The following LSAMP variants were observed in gnomAD, a reference collection of about 807,000 sequenced individuals.
LSAMP encodes limbic system-associated membrane protein.
LSAMP carries 7 observed loss-of-function variants against 38.6 expected under a neutral mutation model. The ratio of observed to expected loss-of-function variants is 0.18; its 90% CI spans 0.10 to 0.34. The LOEUF (loss-of-function observed/expected upper bound fraction) is 0.34. LSAMP is among the 10% of genes least tolerant of loss of function. LSAMP has a pLI of 1.00. For missense variants in LSAMP, 313 were observed against 420.0 expected, an observed-to-expected ratio of 0.75 and a Z score of 2.23; for synonymous variants, 154 against 166.8, an observed-to-expected ratio of 0.92 and a Z score of 0.59.
chr3:116,055,315 C>T (rs1490218704), intron 2 of LSAMP, among the ~76,000 whole-genome samples: 1 of 152,068 alleles, frequency 6.6e-6, no homozygotes, highest in East Asian at 1.9e-4. Flanking sequence ...TAACATGCCA[C>T]CTGAAGCCAA....
At chr3:115,977,729 CAAAAAA>C (rs56833385) in intron 3 of LSAMP, among the ~76,000 whole-genome samples, 3 of 129,778 alleles carry the variant, frequency 2.3e-5, no homozygotes, top group Admixed American at 7.9e-5. Context: ...AACAGAACAC[CAAAAAA>C]AAAAAAAAAA....
chr3:116,024,720 G>A (rs1940739766), intron 2 of LSAMP, among the ~76,000 whole-genome samples: 2 of 151,806 alleles, frequency 1.3e-5, no homozygotes, highest in South Asian at 4.2e-4. Flanking sequence ...AATAACATCA[G>A]GTGGCAATTC....
intron 1 of LSAMP, among the ~76,000 whole-genome samples, chr3:116,355,705 C>T (rs1311586702): frequency 5.9e-5 from 9 of 152,008 alleles, no homozygotes; most frequent in African/African-American, 2.2e-4. Flanking sequence ...GGGATTATAA[C>T]CAGAATATAC....
intron 1 of LSAMP, among the ~76,000 whole-genome samples, chr3:116,163,877 A>AC (rs1273580830): frequency 4.0e-5 from 6 of 148,840 alleles, no homozygotes; most frequent in African/African-American, 1.6e-4. Flanking sequence ...AAAAAAACAC[A>AC]AAAAAAACGA....
chr3:116,273,506 C>T (rs932713616), intron 1 of LSAMP, among the ~76,000 whole-genome samples: 14 of 150,930 alleles, frequency 9.3e-5, no homozygotes, highest in East Asian at 5.9e-4. Context: ...AATTAAACAA[C>T]GAAACAACTT....
At chr3:116,401,151 C>T (rs1270181917) in intron 1 of LSAMP, among the ~76,000 whole-genome samples, 2 of 152,210 alleles carry the variant, frequency 1.3e-5, no homozygotes, top group Non-Finnish European at 2.9e-5. Flanking sequence ...TCCCTCTGTA[C>T]TTTACCATGT....
intron 2 of LSAMP, among the ~76,000 whole-genome samples, chr3:116,024,439 A>G (rs1940729792): frequency 1.3e-5 from 2 of 152,172 alleles, no homozygotes; most frequent in African/African-American, 4.8e-5. Flanking sequence ...TTAGTCATCT[A>G]TTTCACTATC....
At chr3:116,255,618 T>C (rs2046740046) in intron 1 of LSAMP, among the ~76,000 whole-genome samples, 1 of 152,200 alleles carries the variant, frequency 6.6e-6, no homozygotes, top group African/African-American at 2.4e-5. Flanking sequence ...TTTTTAATAC[T>C]TTGGTAGCAC....
At chr3:116,377,730 T>G (rs1402979311) in intron 1 of LSAMP, among the ~76,000 whole-genome samples, 2 of 152,056 alleles carry the variant, frequency 1.3e-5, no homozygotes, top group African/African-American at 4.8e-5. Context: ...TCTTCATGAC[T>G]TCTAATAATA....
At chr3:116,380,251 T>A (rs1200733087) in intron 1 of LSAMP, among the ~76,000 whole-genome samples, 4 of 152,078 alleles carry the variant, frequency 2.6e-5, no homozygotes, top group South Asian at 2.1e-4. Flanking sequence ...CGTATAGAGA[T>A]ACTGTGAGCT....
rs10631420 is a variant in LSAMP at position 116,195,718 on chromosome 3, GAA to G, written c.156-109164_156-109163del. Reference sequence around the variant, plus strand: ...ATAAAAGTCTTTTAGAAAAAAAAATGAAAAAAAAAAAACATTTAAAGGAAAAG... The same window carrying G: ...ATAAAAGTCTTTTAGAAAAAAAAATGAAAAAAAAAACATTTAAAGGAAAAG... On this transcript the variant is annotated intron_variant, in intron 1 of 6. Coordinates refer to ENST00000490035, the MANE Select transcript of LSAMP (RefSeq NM_002338.5). Among the ~76,000 whole-genome samples the G allele has an allele frequency of 3.5e-3, 492 of 139,680 alleles. 3 individuals carry two copies. Among genetic ancestry groups the G allele is most frequent in the African/African-American group, 0.012 (461 of 37,800 alleles). The allele number at this position is 139,680 out of a possible 152,430, so 91.6% of individuals were successfully genotyped here.
intron 1 of LSAMP, among the ~76,000 whole-genome samples, chr3:116,441,309 C>T (rs2049431645): frequency 6.6e-6 from 1 of 151,888 alleles, no homozygotes; most frequent in Admixed American, 6.6e-5. Context: ...GTGTGAAGTC[C>T]CTGTATTTTA....
chr3:116,091,229 G>C (rs1276774943), intron 1 of LSAMP, among the ~76,000 whole-genome samples: 3 of 152,186 alleles, frequency 2.0e-5, no homozygotes, highest in African/African-American at 7.2e-5. Flanking sequence ...GTTCTGCCCG[G>C]CTCACCGGCG....
chr3:116,063,371 T>C (rs1389185294), intron 2 of LSAMP, among the ~76,000 whole-genome samples: 1 of 152,152 alleles, frequency 6.6e-6, no homozygotes, highest in Non-Finnish European at 1.5e-5. Flanking sequence ...CTTTTGTTAC[T>C]AATGGGAAAA....
Position 115,860,693 on chromosome 3 carries a change from T to C in LSAMP, c.515-8076A>G, listed in dbSNP as rs552949079. ...TCCCTCCATTAGCAATAAAAACCTA[T>C]TGGTACACAAAAATGCCAGCAACCA... On this transcript the variant is annotated intron_variant, in intron 3 of 6. Coordinates refer to ENST00000490035, the MANE Select transcript of LSAMP (RefSeq NM_002338.5). Among the ~76,000 whole-genome samples, 3 of 152,270 alleles carry C rather than the reference T, an allele frequency of 2.0e-5. No individual in the cohort carries two copies. The East Asian group carries it at 5.8e-4, about 29-fold the overall frequency.
chr3:115,880,161 C>G lies in LSAMP; in HGVS notation c.515-27544G>C, dbSNP rs564261272. Among the ~76,000 whole-genome samples, 5 of 152,210 alleles carry G rather than the reference C, an allele frequency of 3.3e-5. No individual in the cohort carries two copies. The South Asian group carries it at 1.0e-3, about 32-fold the overall frequency. On this transcript the variant is annotated intron_variant, in intron 3 of 6. Transcript: ENST00000490035. ...ATTTCTCCGGTGACCATTTCTGTGT[C>G]ACTATTCTCTGGACACACTGATTGA...
At chr3:116,386,288 A>C (rs372947281) in intron 1 of LSAMP, among the ~76,000 whole-genome samples, 2 of 152,214 alleles carry the variant, frequency 1.3e-5, no homozygotes, top group African/African-American at 4.8e-5. Flanking sequence ...TTCTGAATCC[A>C]GTTCTGACCA....
intron 3 of LSAMP, among the ~76,000 whole-genome samples, chr3:115,956,730 A>G (rs1938466740): frequency 1.3e-5 from 2 of 152,348 alleles, no homozygotes; most frequent in Non-Finnish European, 2.9e-5. Context: ...AAAATTTTAT[A>G]ATTCTTTAAC....
chr3:116,435,463 G>C (rs187171647), intron 1 of LSAMP, among the ~76,000 whole-genome samples: 8 of 151,372 alleles, frequency 5.3e-5, no homozygotes, highest in Admixed American at 2.6e-4. Context: ...TCCTTATTCT[G>C]CTTTGTCCTT....
Sources: allele counts gnomAD v4.1 joint callset (sites outside exome capture counted in the v4.1 genomes callset), GRCh38; gene constraint gnomAD v4.1.1; transcripts MANE v1.5; gene names NCBI Gene and HGNC (gene_info 2026-07-23, HGNC 2026-07-21).